STK3: variants seen among roughly 807,000 people sequenced by gnomAD.
STK3 encodes the protein serine/threonine-protein kinase 3.
Under a neutral mutation model 58.0 loss-of-function variants are expected in STK3, and 41 were observed. The ratio of observed to expected loss-of-function variants is 0.71; its 90% CI spans 0.55 to 0.92. The LOEUF (loss-of-function observed/expected upper bound fraction) is 0.92, where lower values mean the gene tolerates loss of function less well. Among genes scored for constraint, STK3 ranks in the 40% least tolerant of loss-of-function variants. STK3 has a pLI of 0.00. For synonymous variants in STK3, 170 were observed against 191.0 expected (o/e 0.89, Z 0.91); for missense variants, 479 against 602.7 (o/e 0.79, Z 2.15).
At chr8:98,770,110 T>C (rs1479581774) in intron 2 of STK3, among the ~76,000 whole-genome samples, 4 of 152,066 alleles carry the variant, frequency 2.6e-5, no homozygotes, top group Non-Finnish European at 5.9e-5. Flanking sequence ...CCAAATCCTA[T>C]CAAGCCTCCC....
intron 1 of STK3, among the ~76,000 whole-genome samples, chr8:98,891,821 C>T (rs1020803342): frequency 2.0e-5 from 3 of 151,950 alleles, no homozygotes; most frequent in East Asian, 1.9e-4. Flanking sequence ...ATGTGAGGGC[C>T]GGGGGTTGGA....
intron 10 of STK3, among the ~76,000 whole-genome samples, chr8:98,514,394 C>T (rs1490117707): frequency 6.6e-6 from 1 of 152,054 alleles, no homozygotes; most frequent in East Asian, 1.9e-4. Flanking sequence ...AGATATATTG[C>T]CAATGAGTTG....
intron 1 of STK3, among the ~76,000 whole-genome samples, chr8:98,929,609 T>C (rs1429187131): frequency 6.6e-6 from 1 of 152,174 alleles, no homozygotes; most frequent in Non-Finnish European, 1.5e-5. Flanking sequence ...AAGATCACAC[T>C]ACTGTACTCC....
chr8:98,479,478 C>T (rs950325142), intron 10 of STK3, among the ~76,000 whole-genome samples: 7 of 41,986 alleles, frequency 1.7e-4, no homozygotes, highest in Non-Finnish European at 2.9e-4. Flanking sequence ...CAGAGCAACA[C>T]TCCGTCTCGG....
intron 4 of STK3, among the ~76,000 whole-genome samples, chr8:98,729,019 A>G (rs1258291538): frequency 6.6e-6 from 1 of 152,208 alleles, no homozygotes; most frequent in African/African-American, 2.4e-5. Context: ...CATGCAAGGT[A>G]TTGATTCTAA....
At chr8:98,746,194 T>C (rs937138838) in intron 4 of STK3, among the ~76,000 whole-genome samples, 3 of 152,130 alleles carry the variant, frequency 2.0e-5, no homozygotes, top group African/African-American at 7.2e-5. Context: ...AGCCACCAGA[T>C]AGAAACAAAA....
chr8:98,399,355 A>G (rs918239950), downstream of STK3, among the ~76,000 whole-genome samples: 5 of 152,196 alleles, frequency 3.3e-5, no homozygotes, highest in African/African-American at 7.2e-5. Context: ...AGCGAGCTTC[A>G]TTGCTGGGGT....
intron 6 of STK3, among the ~76,000 whole-genome samples, chr8:98,627,704 A>G (rs1818844784): frequency 6.6e-6 from 1 of 152,144 alleles, no homozygotes; most frequent in Non-Finnish European, 1.5e-5. Flanking sequence ...TCTTTTATTT[A>G]TAAATTACCC....
chr8:98,559,552 AT>A (rs1341128082), intron 8 of STK3, among the ~76,000 whole-genome samples: 1 of 152,126 alleles, frequency 6.6e-6, no homozygotes, highest in African/African-American at 2.4e-5. Context: ...AATCCAATCT[AT>A]GCTCATGGTT....
chr8:98,743,529 G>C (rs577438390), intron 4 of STK3, among the ~76,000 whole-genome samples: 3,017 of 151,744 alleles, frequency 0.02, 121 homozygotes, highest in African/African-American at 0.069. Context: ...ACTGGCTAGC[G>C]ACATGTAGAA....
chr8:98,638,908 TG>T (rs1431553434), intron 6 of STK3, among the ~76,000 whole-genome samples: 3 of 152,190 alleles, frequency 2.0e-5, no homozygotes, highest in African/African-American at 7.2e-5. Context: ...TCTTATTTAA[TG>T]TAGTAATTAC....
chr8:98,357,774 T>A, the STK3 span, among the ~76,000 whole-genome samples: 3 of 152,152 alleles, frequency 2.0e-5, no homozygotes, highest in Non-Finnish European at 4.4e-5. Context: ...TGTGAGTGGG[T>A]CCAGCTGAAT....
intron 6 of STK3, among the ~76,000 whole-genome samples, chr8:98,658,952 C>T (rs1331085437): frequency 6.6e-6 from 1 of 152,048 alleles, no homozygotes; most frequent in Non-Finnish European, 1.5e-5. Context: ...GCATTAACAA[C>T]ATTTTAGTCC....
At chr8:98,632,246 A>G (rs890284433) in intron 6 of STK3, among the ~76,000 whole-genome samples, 1 of 152,268 alleles carries the variant, frequency 6.6e-6, no homozygotes, top group African/African-American at 2.4e-5. Flanking sequence ...AAGGCTTGAC[A>G]GTAAATGATT....
intron 6 of STK3, among the ~76,000 whole-genome samples, chr8:98,697,642 T>C (rs891233149): frequency 7.2e-5 from 11 of 152,238 alleles, no homozygotes; most frequent in Non-Finnish European, 2.9e-5. Flanking sequence ...GAGCAGGTTG[T>C]TCAGTTTCCA....
At chr8:98,828,456 A>G (rs966682641), upstream of STK3, among the ~76,000 whole-genome samples, 1 of 150,506 alleles carries the variant, frequency 6.6e-6, no homozygotes, top group Non-Finnish European at 1.5e-5. Context: ...AAAAAAAAAA[A>G]AAAAAAAAAC....
intron 1 of STK3, among the ~76,000 whole-genome samples, chr8:98,796,034 G>T (rs1055601630): frequency 1.3e-5 from 2 of 151,986 alleles, no homozygotes; most frequent in African/African-American, 4.8e-5. Context: ...TCATGAAGTG[G>T]AAAAATCAAC....
chr8:98,817,937 A>G (rs567026521), intron 1 of STK3, among the ~76,000 whole-genome samples: 4 of 152,258 alleles, frequency 2.6e-5, no homozygotes, highest in Non-Finnish European at 2.9e-5. Flanking sequence ...CTTAAATCCA[A>G]ATTCCTTTCC....
chr8:98,620,277 G>C (rs1162955929), intron 6 of STK3, among the ~76,000 whole-genome samples: 1 of 120,510 alleles, frequency 8.3e-6, no homozygotes, highest in African/African-American at 3.2e-5. Context: ...GAGATCACAT[G>C]GTCACAGGAA....
Sources: allele counts gnomAD v4.1 joint callset (sites outside exome capture counted in the v4.1 genomes callset), GRCh38; gene constraint gnomAD v4.1.1; transcripts MANE v1.5; gene names NCBI Gene and HGNC (gene_info 2026-07-23, HGNC 2026-07-21).